Variants in STEEP1 observed in about 807,000 individuals in gnomAD.
STEEP1 encodes STING1 ER exit protein 1.
In STEEP1, 3 loss-of-function variants were observed where a neutral mutation model predicts 19.2. That is an observed-to-expected ratio of 0.16 (90% CI 0.07 to 0.40). The LOEUF (loss-of-function observed/expected upper bound fraction) is 0.40. Ranked by LOEUF, STEEP1 falls within the 10% of genes least tolerant of loss-of-function variation. The probability of loss-of-function intolerance (pLI) is 0.99; values close to 1 mark genes in which losing one functional copy is unlikely to be tolerated. For missense variants in STEEP1, 54 were observed against 177.1 expected, an observed-to-expected ratio of 0.30 and a Z score of 3.94; for synonymous variants, 46 against 63.7, an observed-to-expected ratio of 0.72 and a Z score of 1.32.
chrX:119,553,563 T>C (rs2053258484), intron 2 of STEEP1, among the ~76,000 whole-genome samples: 1 of 111,797 alleles, frequency 8.9e-6, no homozygotes, highest in Non-Finnish European at 1.9e-5. Context: ...TCATCTTTAA[T>C]GTTCTGCCTC....
chrX:119,550,970 A>G (rs2053238013), intron 2 of STEEP1, among the ~76,000 whole-genome samples: 1 of 111,583 alleles, frequency 9.0e-6, no homozygotes, highest in South Asian at 3.7e-4. Context: ...GCCATTTCTT[A>G]GATATGATGC....
chrX:119,551,324 CA>C (rs1223412129), intron 2 of STEEP1, among the ~76,000 whole-genome samples: 1 of 109,286 alleles, frequency 9.2e-6, no homozygotes, highest in African/African-American at 3.3e-5. Flanking sequence ...CTACTAAATA[CA>C]AAAAATTAGC....
intron 6 of STEEP1, among the ~76,000 whole-genome samples, chrX:119,540,548 T>C (rs926833432): frequency 9.0e-6 from 1 of 111,002 alleles, no homozygotes; most frequent in Non-Finnish European, 1.9e-5. Flanking sequence ...CAAAAAAAAA[T>C]ACATAGGCAC....
chrX:119,563,737 G>A (rs2147364292), intron 1 of STEEP1, among the ~76,000 whole-genome samples: 1 of 110,765 alleles, frequency 9.0e-6, no homozygotes, highest in East Asian at 2.9e-4. Flanking sequence ...AATGGAGGTG[G>A]TAAGAAGCAG....
intron 4 of STEEP1, 83 bp from the exon 5 acceptor site, chrX:119,542,677 T>C (rs1380652843): frequency 2.0e-5 from 12 of 613,848 alleles, no homozygotes; most frequent in Non-Finnish European, 2.7e-5. Context: ...CACGCCTGTG[T>C]GAGGGGCTGT....
chrX:119,541,247 T>C lies in STEEP1; in HGVS notation c.606+81A>G, dbSNP rs2053159847. 4 of 596,147 alleles carry C rather than the reference T, an allele frequency of 6.7e-6. No individual in the cohort carries two copies. The South Asian group carries it at 9.5e-5, about 14-fold the overall frequency. 49.1% of individuals were successfully genotyped at this position (596,147 alleles called of 1,213,427 possible). On this transcript the variant is annotated intron_variant, in intron 6 of 6. Transcript: ENST00000644802. ...CCTCCCAACAGATTTCCTAAAAGAT[T>C]TCCCTGCCTGCTGAAAGGTCTTTCA...
chrX:119,542,188 TC>T (rs1200344191), intron 5 of STEEP1, among the ~76,000 whole-genome samples: 1 of 106,877 alleles, frequency 9.4e-6, no homozygotes, highest in Non-Finnish European at 1.9e-5. Flanking sequence ...TGCCTCAGCC[TC>T]CCGAGTAGCT....
chrX:119,543,743 A>G (rs1264235426), intron 4 of STEEP1, among the ~76,000 whole-genome samples: 2 of 111,346 alleles, frequency 1.8e-5, no homozygotes, highest in Non-Finnish European at 3.8e-5. Flanking sequence ...CTGCCTCCCA[A>G]AGTGCTGGGA....
intron 2 of STEEP1, among the ~76,000 whole-genome samples, chrX:119,556,051 A>G (rs1269720331): frequency 9.0e-6 from 1 of 111,717 alleles, no homozygotes; most frequent in African/African-American, 3.3e-5. Flanking sequence ...AAGGCTCTGC[A>G]ATTCTTGTGG....
At chrX:119,546,227 G>A (rs999466904) in intron 2 of STEEP1, among the ~76,000 whole-genome samples, 2 of 110,473 alleles carry the variant, frequency 1.8e-5, no homozygotes, top group South Asian at 3.8e-4. Context: ...GATCATTTGA[G>A]GTAAGGAGTT....
In STEEP1 at chrX:119,560,315, G is replaced by C. The variant is rs929303902; in HGVS notation, c.195C>G (p.Ala65=). 8.3e-7 allele frequency: 1 copy of C among 1,210,355 alleles called. No individual in the cohort carries two copies. The highest frequency in any genetic ancestry group is 1.1e-6 in the Non-Finnish European group (1 of 894,307). ...CATCTTCTGTGTTACAAAACTTATG[G>C]GCATGTTTGGCAGCATCAATCACAC... ...RSRVIDAAKH[A]HKFCNTEDEE... is the part of the protein sequence containing the mutation. Residue 65 remains alanine (A), a synonymous_variant, in exon 2 of 7, where the codon GCC becomes GCG. Transcript: ENST00000644802.
At chrX:119,546,114 T>C (rs1432735328) in intron 2 of STEEP1, among the ~76,000 whole-genome samples, 3 of 109,785 alleles carry the variant, frequency 2.7e-5, no homozygotes, top group Non-Finnish European at 5.7e-5. Flanking sequence ...TATAAACCCT[T>C]TACTATGTGC....
chrX:119,548,859 G>GCACA (rs1234191825), intron 2 of STEEP1, among the ~76,000 whole-genome samples: 1 of 111,881 alleles, frequency 8.9e-6, no homozygotes, highest in Non-Finnish European at 1.9e-5. Context: ...TGGCACGCAC[G>GCACA]CACACATGCA....
chrX:119,552,566 G>A (rs773348146), intron 2 of STEEP1, among the ~76,000 whole-genome samples: 1 of 112,302 alleles, frequency 8.9e-6, no homozygotes, highest in South Asian at 3.7e-4. Flanking sequence ...CACCCTTCAG[G>A]AACCTCCACA....
At chrX:119,541,877 A>G (rs888013565) in intron 5 of STEEP1, among the ~76,000 whole-genome samples, 10 of 111,587 alleles carry the variant, frequency 9.0e-5, no homozygotes, top group African/African-American at 3.3e-4. Context: ...CTTTCAGTCC[A>G]GTAGTTTCTC....
At chrX:119,558,523 CGA>C (rs750378903) in intron 2 of STEEP1, among the ~76,000 whole-genome samples, 69 of 111,187 alleles carry the variant, frequency 6.2e-4, no homozygotes, top group Non-Finnish European at 1.2e-3. Context: ...GGTGACAGAG[CGA>C]GACTCCGTCT....
At chrX:119,545,352 C>CA (rs372221185) in intron 3 of STEEP1, 111 bp downstream of exon 3, 25,692 of 349,824 alleles carry the variant, frequency 0.073, 215 homozygotes, top group Non-Finnish European at 0.087. Context: ...GACTCTGTCT[C>CA]AAAAAAAAAA....
intron 6 of STEEP1, 81 bp downstream of exon 6, chrX:119,541,247 T>G: frequency 1.7e-6 from 1 of 598,113 alleles, no homozygotes; most frequent in Non-Finnish European, 2.8e-6. Context: ...CCTAAAAGAT[T>G]TCCCTGCCTG....
intron 1 of STEEP1, among the ~76,000 whole-genome samples, chrX:119,562,962 T>C (rs1057411468): frequency 1.8e-5 from 2 of 110,679 alleles, no homozygotes; most frequent in Non-Finnish European, 3.8e-5. Context: ...AAAAAGGCAC[T>C]GGGGGGCAGG....
Sources: gnomAD v4.1 joint callset for allele counts (sites outside exome capture counted in the v4.1 genomes callset) on GRCh38, gnomAD v4.1.1 for gene constraint, MANE v1.5 for transcripts, NCBI Gene and HGNC (gene_info 2026-07-23, HGNC 2026-07-21) for gene names.